FRY: variants seen among roughly 807,000 people sequenced by gnomAD.
FRY encodes protein furry homolog.
FRY carries 128 observed loss-of-function variants against 348.4 expected under a neutral mutation model. The observed-to-expected ratio is 0.37, with a 90% CI of 0.32 to 0.43. The LOEUF is 0.43. Ranked by LOEUF, FRY falls within the 20% of genes least tolerant of loss-of-function variation. The pLI is 1.00. For missense variants in FRY, 2,736 were observed against 3,695.2 expected, an observed-to-expected ratio of 0.74 and a Z score of 6.73; for synonymous variants, 1,370 against 1,374.7, an observed-to-expected ratio of 1.00 and a Z score of 0.08.
chr13:32,114,647 G>A (rs749748442), intron 3 of FRY, among the ~76,000 whole-genome samples: 6 of 152,034 alleles, frequency 3.9e-5, no homozygotes, highest in African/African-American at 7.2e-5. Context: ...TTGAAATTTC[G>A]TTACCTATGT....
intron 59 of FRY, among the ~76,000 whole-genome samples, chr13:32,290,720 C>T (rs1335387291): frequency 6.6e-6 from 1 of 151,712 alleles, no homozygotes; most frequent in African/African-American, 2.4e-5. Flanking sequence ...TGAAATAGTT[C>T]AAACAGAAGG....
At chr13:32,191,421 C>T (rs1247610944) in intron 28 of FRY, among the ~76,000 whole-genome samples, 1 of 151,988 alleles carries the variant, frequency 6.6e-6, no homozygotes. Context: ...ATATAAAGGA[C>T]CCCTACAAAT....
At chr13:32,207,988 T>C (rs1884452833) in intron 31 of FRY, among the ~76,000 whole-genome samples, 1 of 152,236 alleles carries the variant, frequency 6.6e-6, no homozygotes, top group African/African-American at 2.4e-5. Flanking sequence ...TACATAATGC[T>C]GTGCTTCTCT....
intron 2 of FRY, among the ~76,000 whole-genome samples, chr13:32,100,714 G>T (rs962503555): frequency 6.6e-6 from 1 of 152,074 alleles, no homozygotes; most frequent in African/African-American, 2.4e-5. Flanking sequence ...AAAATAAATG[G>T]CTTATCAACA....
intron 58 of FRY, among the ~76,000 whole-genome samples, chr13:32,282,551 A>G (rs1177564236): frequency 6.6e-6 from 1 of 152,106 alleles, no homozygotes; most frequent in East Asian, 1.9e-4. Context: ...AAGCTTCTCA[A>G]CCCCCAAGCC....
At chr13:32,146,178 A>G (rs886479689) in intron 11 of FRY, among the ~76,000 whole-genome samples, 3 of 57,838 alleles carry the variant, frequency 5.2e-5, no homozygotes, top group Admixed American at 1.5e-4. Flanking sequence ...TCTCCCTCCC[A>G]CCATTTTTTT....
At chr13:32,102,171 T>A (rs1566071830) in intron 3 of FRY, among the ~76,000 whole-genome samples, 155 bp downstream of exon 3, 3 of 152,202 alleles carry the variant, frequency 2.0e-5, no homozygotes, top group Non-Finnish European at 2.9e-5. Context: ...TTCATGGTTG[T>A]GGTTTATAGC....
At chr13:32,054,083 C>T (rs1873490866) in intron 1 of FRY, among the ~76,000 whole-genome samples, 1 of 152,200 alleles carries the variant, frequency 6.6e-6, no homozygotes, top group Admixed American at 6.5e-5. Flanking sequence ...GAACAAGTCA[C>T]TCAGAACTGA....
At chr13:32,247,249 C>A in intron 47 of FRY, 74 bp from the exon 48 acceptor site, 1 of 1,232,702 alleles carries the variant, frequency 8.1e-7, no homozygotes, top group Non-Finnish European at 1.2e-6. Context: ...TAGCTTCTCA[C>A]TGGTCATTCT....
chr13:32,068,619 A>G (rs1874405872), intron 1 of FRY, among the ~76,000 whole-genome samples: 1 of 152,238 alleles, frequency 6.6e-6, no homozygotes, highest in South Asian at 2.1e-4. Context: ...AGAGGAAGAC[A>G]GAAAAGAAAA....
At chr13:32,125,874 A>G (rs1432448244) in intron 7 of FRY, among the ~76,000 whole-genome samples, 1 of 152,138 alleles carries the variant, frequency 6.6e-6, no homozygotes, top group Non-Finnish European at 1.5e-5. Flanking sequence ...CTTCCAGAGG[A>G]TGATAAACTG....
At chr13:32,060,096 A>G (rs1039154442) in intron 1 of FRY, among the ~76,000 whole-genome samples, 1 of 152,318 alleles carries the variant, frequency 6.6e-6, no homozygotes, top group Non-Finnish European at 1.5e-5. Context: ...CCTTCAATTT[A>G]CCCTGAGTAA....
chr13:32,256,920 T>A (rs1359199586), intron 51 of FRY, among the ~76,000 whole-genome samples: 1 of 152,232 alleles, frequency 6.6e-6, no homozygotes, highest in East Asian at 1.9e-4. Context: ...ATTCCACATC[T>A]GACCTCATGT....
chr13:32,218,115 G>C (rs9525970), intron 35 of FRY, among the ~76,000 whole-genome samples: 32,893 of 152,056 alleles, frequency 0.22, 3,757 homozygotes, highest in African/African-American at 0.27. Flanking sequence ...TGTGTGTCAG[G>C]CTATGTAAAT....
Position 32,299,089 on chromosome 13 carries a change from T to TATG in FRY, c.*3630_*3632dup, listed in dbSNP as rs1400172016. 3.3e-5 allele frequency: 5 copies of TATG among 152,256 alleles called. No individual in the cohort carries two copies. Among genetic ancestry groups the TATG allele is most frequent in the African/African-American group, 1.2e-4 (5 of 41,476 alleles). 9.4% of individuals were successfully genotyped at this position (152,256 alleles called of 1,614,324 possible). ...TTAAAATGGTAAATTTTATGTTATA[T>TATG]ATGTTTTACCACAATAAAAATAATT... is the stretch of plus-strand genomic sequence containing the variant. On this transcript the variant is annotated 3_prime_UTR_variant, in exon 61 of 61. Transcript: ENST00000542859.
chr13:32,040,519 C>T (rs1872706978), intron 1 of FRY, among the ~76,000 whole-genome samples: 2 of 152,218 alleles, frequency 1.3e-5, no homozygotes, highest in African/African-American at 4.8e-5. Flanking sequence ...CATTATTGAA[C>T]TTGACTGATA....
intron 3 of FRY, among the ~76,000 whole-genome samples, chr13:32,110,439 C>CG (rs1376215954): frequency 2.0e-5 from 3 of 152,104 alleles, no homozygotes; most frequent in Non-Finnish European, 4.4e-5. Flanking sequence ...CCGTGATGAG[C>CG]GTGGGCCTGG....
intron 4 of FRY, 135 bp downstream of exon 4, chr13:32,117,608 C>T (rs1593631881): frequency 1.2e-6 from 1 of 865,872 alleles, no homozygotes; most frequent in East Asian, 2.6e-5. Flanking sequence ...TGCAGGGGCC[C>T]TGTGTCTGTA....
rs1886978705 is a variant in FRY, at chr13:32,249,679, T to C, written c.7162T>C (p.Tyr2388His). The C allele has an allele frequency of 1.2e-6, 2 of 1,613,850 alleles. No homozygotes were observed. Among genetic ancestry groups the C allele is most frequent in the Non-Finnish European group, 1.7e-6 (2 of 1,179,898 alleles). ...LVPVSWKRPQ[Y>H]SQKRTKEKLV... ...TCCAGTGAGCTGGAAAAGGCCCCAG[T>C]ATTCTCAGGTATGCAATCCTAGACC... Residue 2388 changes from tyrosine to histidine, a missense_variant, in exon 49 of 61, where the codon TAT (tyrosine) becomes CAT (histidine). Physicochemically the swap from Tyr to His is moderately conservative, Grantham distance 83. Transcript: ENST00000542859.
Sources: gnomAD v4.1 joint callset for allele counts (sites outside exome capture counted in the v4.1 genomes callset) on GRCh38, gnomAD v4.1.1 for gene constraint, MANE v1.5 for transcripts, NCBI Gene and HGNC (gene_info 2026-07-23, HGNC 2026-07-21) for gene names.